The following NRXN1 variants were observed in gnomAD, a reference collection of about 807,000 sequenced individuals.
NRXN1 encodes the protein neurexin-1.
NRXN1 carries 39 observed loss-of-function variants against 150.9 expected under a neutral mutation model. That is an observed-to-expected ratio of 0.26 (90% CI 0.20 to 0.34). NRXN1 has a LOEUF of 0.34. NRXN1 is among the 10% of genes least tolerant of loss of function. The probability of loss-of-function intolerance (pLI) is 1.00; values close to 1 mark genes in which losing one functional copy is unlikely to be tolerated. For synonymous variants in NRXN1, 924 were observed against 757.0 expected (o/e 1.22, Z -3.62); for missense variants, 1,815 against 1,949.9 (o/e 0.93, Z 1.30).
chr2:50,278,264 T>TTATATATATATATTATATATAA (rs373512653), intron 17 of NRXN1, among the ~76,000 whole-genome samples: 1 of 66,246 alleles, frequency 1.5e-5, no homozygotes, highest in African/African-American at 5.7e-5. Context: ...ATTATATATA[T>TTATATATATATATTATATATAA]TATATATGTA....
At chr2:49,993,122 G>A (rs1055322657) in intron 21 of NRXN1, among the ~76,000 whole-genome samples, 1 of 152,070 alleles carries the variant, frequency 6.6e-6, no homozygotes, top group Non-Finnish European at 1.5e-5. Flanking sequence ...TGCTTATAGC[G>A]GCTTTATTTA....
chr2:49,973,876 CATTATT>C, intron 21 of NRXN1: 1 of 618,470 alleles, frequency 1.6e-6, no homozygotes, highest in Non-Finnish European at 2.9e-6. Flanking sequence ...TTCTTATTTT[CATTATT>C]ATTGTTTTTA....
At chr2:50,434,097 C>T (rs1323762414) in intron 17 of NRXN1, among the ~76,000 whole-genome samples, 1 of 127,030 alleles carries the variant, frequency 7.9e-6, no homozygotes, top group African/African-American at 3.1e-5. Context: ...TGCTCTGTTG[C>T]CCAGGCTGGA....
At chr2:50,033,386 C>G (rs1199219006) in intron 21 of NRXN1, among the ~76,000 whole-genome samples, 3 of 152,056 alleles carry the variant, frequency 2.0e-5, no homozygotes, top group Admixed American at 6.6e-5. Context: ...AAAGGACTCC[C>G]TATTCAATAA....
At chr2:50,219,925 T>C (rs2063687103) in intron 18 of NRXN1, among the ~76,000 whole-genome samples, 1 of 75,546 alleles carries the variant, frequency 1.3e-5, no homozygotes, top group Non-Finnish European at 2.3e-5. Flanking sequence ...TCTCTCTCTA[T>C]ATTATATATA....
intron 5 of NRXN1, among the ~76,000 whole-genome samples, chr2:50,691,432 A>AT (rs748897274): frequency 2.0e-5 from 3 of 152,170 alleles, no homozygotes; most frequent in Non-Finnish European, 4.4e-5. Flanking sequence ...AATAAATGAG[A>AT]TTTTTTAAAC....
At chr2:51,014,927 A>G (rs1232388650) in intron 2 of NRXN1, among the ~76,000 whole-genome samples, 1 of 152,108 alleles carries the variant, frequency 6.6e-6, no homozygotes, top group East Asian at 1.9e-4. Context: ...CCAATGATAC[A>G]CTGCCAGAAA....
chr2:50,803,378 A>G (rs1574528730), intron 5 of NRXN1, among the ~76,000 whole-genome samples: 1 of 152,180 alleles, frequency 6.6e-6, no homozygotes, highest in South Asian at 2.1e-4. Flanking sequence ...GCCCCCATAC[A>G]TGATCAACTG....
intron 17 of NRXN1, among the ~76,000 whole-genome samples, chr2:50,419,172 G>A (rs568632097): frequency 2.0e-5 from 3 of 152,140 alleles, no homozygotes; most frequent in African/African-American, 7.2e-5. Context: ...TGATACATAG[G>A]TGTAAAATCA....
chr2:50,931,136 G>C (rs890975752), intron 2 of NRXN1, among the ~76,000 whole-genome samples: 4 of 152,090 alleles, frequency 2.6e-5, no homozygotes, highest in South Asian at 2.1e-4. Context: ...CTATCATTAA[G>C]ATGAAAAGTA....
chr2:50,107,781 T>A (rs1173398464), intron 18 of NRXN1, among the ~76,000 whole-genome samples: 1 of 151,876 alleles, frequency 6.6e-6, no homozygotes, highest in Admixed American at 6.6e-5. Context: ...TACTAATAAG[T>A]TCTAATTATC....
intron 17 of NRXN1, among the ~76,000 whole-genome samples, chr2:50,401,818 A>C (rs2082408574): frequency 6.6e-6 from 1 of 152,148 alleles, no homozygotes; most frequent in African/African-American, 2.4e-5. Flanking sequence ...GATTTTCCTA[A>C]CAGCTCTTTC....
intron 5 of NRXN1, among the ~76,000 whole-genome samples, chr2:50,702,589 G>A (rs1040972601): frequency 6.6e-6 from 1 of 151,944 alleles, no homozygotes; most frequent in African/African-American, 2.4e-5. Context: ...CCACATCTCA[G>A]ACTGAAGAAT....
intron 2 of NRXN1, among the ~76,000 whole-genome samples, chr2:50,949,312 G>T (rs540766578): frequency 3.9e-5 from 6 of 152,096 alleles, no homozygotes; most frequent in African/African-American, 1.4e-4. Context: ...AGTGTTGCTG[G>T]TTTTAAATGT....
intron 5 of NRXN1, among the ~76,000 whole-genome samples, chr2:50,803,020 G>A (rs955555636): frequency 4.6e-5 from 7 of 152,108 alleles, no homozygotes; most frequent in Non-Finnish European, 8.8e-5. Flanking sequence ...TTTGCTGTAA[G>A]TCACCCAGCT....
intron 18 of NRXN1, among the ~76,000 whole-genome samples, chr2:50,160,182 T>C (rs2059275507): frequency 9.9e-6 from 1 of 100,904 alleles, no homozygotes. Flanking sequence ...TAATCAAGGA[T>C]ATATGATTTT....
At chr2:50,022,176 A>T (rs1687670703) in intron 21 of NRXN1, among the ~76,000 whole-genome samples, 1 of 151,182 alleles carries the variant, frequency 6.6e-6, no homozygotes, top group Non-Finnish European at 1.5e-5. Context: ...TAGAGACGAG[A>T]TTTCACCGTG....
chr2:50,190,813 A>C lies in NRXN1; in HGVS notation c.3546+45976T>G, dbSNP rs2061397028. Among the ~76,000 whole-genome samples, 4 of 151,088 alleles carry C rather than the reference A, an allele frequency of 2.6e-5. No homozygotes were observed. The South Asian group carries it at 8.4e-4, about 32-fold the overall frequency. ...TTTTAGTAGAGACGGGGTTTTTTCC[A>C]TGTTGGTCAGGCTGGTCTCAAACTC... On this transcript the variant is annotated intron_variant, in intron 18 of 22. Transcript: ENST00000401669.
chr2:50,609,775 A>T (rs1677731954), intron 8 of NRXN1, among the ~76,000 whole-genome samples: 1 of 152,132 alleles, frequency 6.6e-6, no homozygotes, highest in African/African-American at 2.4e-5. Flanking sequence ...AGGGCAATTC[A>T]CTTACTATGA....
Sources: gnomAD v4.1 joint callset for allele counts (sites outside exome capture counted in the v4.1 genomes callset) on GRCh38, gnomAD v4.1.1 for gene constraint, MANE v1.5 for transcripts, NCBI Gene and HGNC (gene_info 2026-07-23, HGNC 2026-07-21) for gene names.